ZNF438: variants seen among roughly 807,000 people sequenced by gnomAD.
The protein encoded by ZNF438 is zinc finger protein 438.
In ZNF438, 25 loss-of-function variants were observed where a neutral mutation model predicts 38.0. That is an observed-to-expected ratio of 0.66 (90% CI 0.48 to 0.92). The LOEUF is 0.92. ZNF438 is among the 40% of genes least tolerant of loss of function. The pLI is 0.00. For synonymous variants in ZNF438, 372 were observed against 364.1 expected (o/e 1.02, Z -0.25); for missense variants, 1,007 against 999.6 (o/e 1.01, Z -0.10).
chr10:30,900,912 T>C (rs78965615), intron 3 of ZNF438, among the ~76,000 whole-genome samples: 2,392 of 152,312 alleles, frequency 0.016, 58 homozygotes, highest in African/African-American at 0.054. Flanking sequence ...AATCCCTGAT[T>C]CCTTCCTGTG....
At chr10:31,024,134 T>C (rs1237219375) in intron 1 of ZNF438, among the ~76,000 whole-genome samples, 2 of 152,198 alleles carry the variant, frequency 1.3e-5, no homozygotes, top group Non-Finnish European at 2.9e-5. Flanking sequence ...AATTGTCAGA[T>C]TTATTTATTG....
In ZNF438 at chr10:30,957,026, T is replaced by C. The variant is rs186825296; in HGVS notation, c.-191-15375A>G. 4.2e-3 allele frequency among the ~76,000 whole-genome samples: 633 copies of C among 152,310 alleles called. 8 individuals carry two copies. The highest frequency in any genetic ancestry group is 4.2e-3 in the Non-Finnish European group (286 of 68,008). ...TCCCACCAACAGTGTAAATTAACAG[T>C]TCCCTTTTCTCCACATCCTTGCCAG... On this transcript the variant is annotated intron_variant, in intron 1 of 5. Coordinates refer to ENST00000413025, the Ensembl canonical transcript of ZNF438.
intron 1 of ZNF438, among the ~76,000 whole-genome samples, chr10:31,009,307 TGGCA>T (rs2055438184): frequency 6.6e-6 from 1 of 152,190 alleles, no homozygotes; most frequent in African/African-American, 2.4e-5. Flanking sequence ...ACCTGATAAC[TGGCA>T]CTCTTTTAAA....
chr10:30,935,215 G>T (rs1400215947), intron 2 of ZNF438, among the ~76,000 whole-genome samples: 2 of 152,206 alleles, frequency 1.3e-5, no homozygotes, highest in Non-Finnish European at 2.9e-5. Context: ...CTTGTTCAAG[G>T]TTGTTAGTGA....
At chr10:30,940,663 C>T (rs915211506) in intron 2 of ZNF438, among the ~76,000 whole-genome samples, 1 of 152,054 alleles carries the variant, frequency 6.6e-6, no homozygotes, top group African/African-American at 2.4e-5. Flanking sequence ...GCCATTAAAG[C>T]GTTTTAAAAT....
At chr10:30,860,528 G>A (rs2035400414) in intron 4 of ZNF438, among the ~76,000 whole-genome samples, 1 of 152,176 alleles carries the variant, frequency 6.6e-6, no homozygotes, top group South Asian at 2.1e-4. Flanking sequence ...CTCTATGCTT[G>A]TAAATAATGA....
chr10:30,850,842 C>A (rs561784139), intron 4 of ZNF438, among the ~76,000 whole-genome samples: 1 of 152,302 alleles, frequency 6.6e-6, no homozygotes, highest in East Asian at 1.9e-4. Context: ...TTCATCTCAT[C>A]TTGATATTTC....
chr10:30,947,839 C>A (rs2047622709), intron 1 of ZNF438, among the ~76,000 whole-genome samples: 1 of 152,012 alleles, frequency 6.6e-6, no homozygotes, highest in Admixed American at 6.6e-5. Context: ...AACTCCCTGA[C>A]CCCTTGCGCT....
At chr10:30,915,979 G>T (rs910243222) in intron 2 of ZNF438, among the ~76,000 whole-genome samples, 4 of 151,762 alleles carry the variant, frequency 2.6e-5, no homozygotes, top group Non-Finnish European at 5.9e-5. Context: ...CTTTTCTGAT[G>T]GTTTCATTTA....
chr10:30,924,442 G>C (rs1301384554), intron 2 of ZNF438, among the ~76,000 whole-genome samples: 1 of 152,190 alleles, frequency 6.6e-6, no homozygotes, highest in East Asian at 1.9e-4. Context: ...GCATTTCCTT[G>C]TTTGGATGTG....
At chr10:31,024,446 G>C (rs1589764001) in intron 1 of ZNF438, among the ~76,000 whole-genome samples, 7 of 152,062 alleles carry the variant, frequency 4.6e-5, no homozygotes, top group Admixed American at 3.9e-4. Context: ...CTAACACGGT[G>C]AAAACCCGCC....
intron 5 of ZNF438, among the ~76,000 whole-genome samples, chr10:30,848,283 T>A (rs1201913169): frequency 2.0e-5 from 3 of 152,198 alleles, no homozygotes; most frequent in African/African-American, 7.2e-5. Context: ...GGGAAATTAC[T>A]TGTAAAGACC....
intron 1 of ZNF438, among the ~76,000 whole-genome samples, chr10:31,002,864 A>G (rs1285829245): frequency 6.6e-6 from 1 of 152,264 alleles, no homozygotes; most frequent in East Asian, 1.9e-4. Flanking sequence ...ACATGGACAG[A>G]AAACATTTAT....
chr10:30,850,887 G>T (rs1189625897), intron 4 of ZNF438, among the ~76,000 whole-genome samples: 1 of 152,128 alleles, frequency 6.6e-6, no homozygotes, highest in African/African-American at 2.4e-5. Flanking sequence ...AGCGCTTCTT[G>T]TATCAAACTC....
At chr10:30,948,228 T>A (rs1300186830) in intron 1 of ZNF438, among the ~76,000 whole-genome samples, 3 of 152,084 alleles carry the variant, frequency 2.0e-5, no homozygotes, top group Admixed American at 6.5e-5. Flanking sequence ...AGAAAAGACA[T>A]CCCCACCAAA....
intron 1 of ZNF438, among the ~76,000 whole-genome samples, chr10:30,945,408 TTTTA>T (rs1188455342): frequency 6.6e-6 from 1 of 151,696 alleles, no homozygotes; most frequent in African/African-American, 2.4e-5. Context: ...TTTTATTTTT[TTTTA>T]CTTTTTTTTA....
intron 1 of ZNF438, among the ~76,000 whole-genome samples, chr10:31,002,325 G>A (rs73254428): frequency 6.6e-5 from 10 of 152,058 alleles, no homozygotes; most frequent in African/African-American, 2.2e-4. Context: ...CATTAAGTTC[G>A]AGAGAACTTC....
At position 30,877,534 on chromosome 10, in the gene ZNF438, G is replaced by A. The variant is rs567855309; in HGVS notation, c.-31-469C>T. ...GCAACATAAAAAATGTTAATGATGC[G>A]ATGCACTGGATAAACATGGATGAAC... On this transcript the variant is annotated intron_variant, in intron 3 of 5. Coordinates refer to ENST00000413025, the Ensembl canonical transcript of ZNF438. Among the ~76,000 whole-genome samples the A allele has an allele frequency of 1.1e-4, 16 of 152,234 alleles. No individual in the cohort carries two copies. The East Asian group carries it at 1.9e-3, about 18-fold the overall frequency.
intron 1 of ZNF438, among the ~76,000 whole-genome samples, chr10:31,005,831 G>T (rs1183204848): frequency 6.6e-6 from 1 of 152,108 alleles, no homozygotes; most frequent in Non-Finnish European, 1.5e-5. Context: ...AGGATCAAAT[G>T]GTATTTGTGG....
Sources: allele counts gnomAD v4.1 joint callset (sites outside exome capture counted in the v4.1 genomes callset), GRCh38; gene constraint gnomAD v4.1.1; transcripts MANE v1.5; gene names NCBI Gene and HGNC (gene_info 2026-07-23, HGNC 2026-07-21).